MYCBP2: variants seen among roughly 807,000 people sequenced by gnomAD.
The protein encoded by MYCBP2 is MYC binding protein 2, also known as E3 ubiquitin-protein ligase MYCBP2.
In MYCBP2, 120 loss-of-function variants were observed where a neutral mutation model predicts 525.3. The ratio of observed to expected loss-of-function variants is 0.23; its 90% CI spans 0.20 to 0.27. The LOEUF is 0.27. Among genes scored for constraint, MYCBP2 ranks in the 10% least tolerant of loss-of-function variants. MYCBP2 has a pLI of 1.00. For synonymous variants in MYCBP2, 1,894 were observed against 1,955.8 expected, an observed-to-expected ratio of 0.97 and a Z score of 0.83; for missense variants, 4,149 against 5,657.1, an observed-to-expected ratio of 0.73 and a Z score of 8.55.
chr13:77,239,964 A>C (rs190897797), intron 17 of MYCBP2, among the ~76,000 whole-genome samples: 4 of 152,348 alleles, frequency 2.6e-5, no homozygotes, highest in Non-Finnish European at 5.9e-5. Flanking sequence ...AATATTTAGG[A>C]AACAAATTGT....
chr13:77,271,733 T>C (rs556714045), intron 5 of MYCBP2, among the ~76,000 whole-genome samples: 269 of 152,302 alleles, frequency 1.8e-3, no homozygotes, highest in Middle Eastern at 3.4e-3. Flanking sequence ...GATTGTGAGG[T>C]TTCTCCAGCC....
At position 77,098,511 on chromosome 13, in the gene MYCBP2, G is replaced by A. The variant is rs754283675; in HGVS notation, c.8643C>T (p.Leu2881=). 1.2e-6 allele frequency: 2 copies of A among 1,613,740 alleles called. 1 individual carries two copies. Among genetic ancestry groups the A allele is most frequent in the Admixed American group, 3.3e-5 (2 of 59,942 alleles). Residue 2881 remains leucine (L), a synonymous_variant, in exon 56 of 83, where the codon CTC becomes CTT. Transcript: ENST00000544440. ...CTGTGAGGGGCATTTTCTTCTTGCGGAGGGTATCTGGATCAAGTGTGTAAG... is the reference window on the plus strand; with the variant it reads ...CTGTGAGGGGCATTTTCTTCTTGCGAAGGGTATCTGGATCAAGTGTGTAAG... ...SDSYTLDPDT[L]RKKKMPLTEP...
intron 3 of MYCBP2, among the ~76,000 whole-genome samples, chr13:77,282,545 C>A (rs1317455818): frequency 1.3e-5 from 2 of 152,166 alleles, no homozygotes; most frequent in African/African-American, 4.8e-5. Context: ...CAAAACTTTT[C>A]AACTTTTCAA....
chr13:77,109,148 T>A (rs1328880107), intron 55 of MYCBP2, among the ~76,000 whole-genome samples: 1 of 152,182 alleles, frequency 6.6e-6, no homozygotes, highest in Non-Finnish European at 1.5e-5. Flanking sequence ...GAGGACGGTT[T>A]CCTTAGTTCT....
At chr13:77,306,082 A>C (rs1221677358) in intron 1 of MYCBP2, among the ~76,000 whole-genome samples, 1 of 152,208 alleles carries the variant, frequency 6.6e-6, no homozygotes, top group Non-Finnish European at 1.5e-5. Flanking sequence ...AAAAATTAAA[A>C]GTAAAGCATT....
chr13:77,088,682 T>C (rs556821629), intron 61 of MYCBP2, 150 bp downstream of exon 61: 14 of 578,642 alleles, frequency 2.4e-5, no homozygotes, highest in Admixed American at 3.4e-5. Context: ...CTTTAGAGTC[T>C]GATTTTTATA....
At chr13:77,080,219 C>T (rs1399844020) in intron 65 of MYCBP2, among the ~76,000 whole-genome samples, 1 of 152,174 alleles carries the variant, frequency 6.6e-6, no homozygotes, top group African/African-American at 2.4e-5. Flanking sequence ...AGGAATAGAA[C>T]CTGCACTGAT....
At chr13:77,175,145 T>C (rs1464347943) in intron 36 of MYCBP2, among the ~76,000 whole-genome samples, 1 of 150,176 alleles carries the variant, frequency 6.7e-6, no homozygotes, top group Non-Finnish European at 1.5e-5. Context: ...TTGCCCAGCC[T>C]AGCCTCAAAC....
chr13:77,058,199 C>T lies in MYCBP2; in HGVS notation c.13329+19G>A. 6.2e-7 allele frequency: 1 copy of T among 1,610,642 alleles called. No homozygotes were observed. Among genetic ancestry groups the T allele is most frequent in the Non-Finnish European group, 8.5e-7 (1 of 1,178,142 alleles). ...TCTTAATGTCTGGATACATTCAATA[C>T]TTTAAAAGCTGAGGCAACCTGAATG... On this transcript the variant is annotated intron_variant, in intron 78 of 82. Transcript: ENST00000544440. The surrounding 1 kb of genome is among the most constrained non-coding windows in gnomAD (Gnocchi z 4.1).
intron 26 of MYCBP2, among the ~76,000 whole-genome samples, chr13:77,203,054 G>T (rs1012914620): frequency 2.0e-5 from 3 of 151,344 alleles, no homozygotes; most frequent in African/African-American, 7.3e-5. Context: ...GGGCAATTAG[G>T]CAGGAGAAGG....
intron 52 of MYCBP2, among the ~76,000 whole-genome samples, chr13:77,134,899 C>A (rs555403044): frequency 6.6e-6 from 1 of 152,140 alleles, no homozygotes; most frequent in Non-Finnish European, 1.5e-5. Flanking sequence ...GATGAATACA[C>A]GAATTCTAAA....
intron 55 of MYCBP2, among the ~76,000 whole-genome samples, chr13:77,112,704 G>T (rs960466121): frequency 2.6e-5 from 4 of 152,130 alleles, no homozygotes; most frequent in African/African-American, 9.7e-5. Flanking sequence ...CTTGCCAAAT[G>T]CTGGGAATAT....
At chr13:77,167,237 A>G (rs183749182) in intron 40 of MYCBP2, among the ~76,000 whole-genome samples, 33 of 152,244 alleles carry the variant, frequency 2.2e-4, no homozygotes, top group Admixed American at 7.2e-4. Flanking sequence ...GTATATACAT[A>G]TATAAATATA....
At chr13:77,243,563 A>G (rs1400961014) in intron 16 of MYCBP2, among the ~76,000 whole-genome samples, 1 of 151,604 alleles carries the variant, frequency 6.6e-6, no homozygotes, top group Non-Finnish European at 1.5e-5. Flanking sequence ...CAGTGAGCTG[A>G]GATTGAGCTA....
chr13:77,278,993 C>T, intron 3 of MYCBP2, 82 bp from the exon 4 acceptor site: 1 of 923,516 alleles, frequency 1.1e-6, no homozygotes, highest in Non-Finnish European at 1.5e-6. Context: ...GTACAAGTTA[C>T]TTCCACAGCA....
intron 1 of MYCBP2, among the ~76,000 whole-genome samples, chr13:77,308,587 T>C (rs186822313): frequency 1.3e-5 from 2 of 152,350 alleles, no homozygotes; most frequent in East Asian, 3.9e-4. Flanking sequence ...AACACATTTT[T>C]ATTATTATTC....
intron 59 of MYCBP2, 91 bp downstream of exon 59, chr13:77,093,074 A>T: frequency 7.8e-7 from 1 of 1,277,250 alleles, no homozygotes; most frequent in Non-Finnish European, 1.1e-6. Context: ...TCACAGATGT[A>T]TTAAAGAACT....
intron 1 of MYCBP2, among the ~76,000 whole-genome samples, chr13:77,301,794 G>C (rs1249939819): frequency 6.6e-6 from 1 of 152,126 alleles, no homozygotes; most frequent in African/African-American, 2.4e-5. Context: ...AAGTACCTGA[G>C]ATGCAGAGAT....
chr13:77,311,404 A>G (rs2154375978), intron 1 of MYCBP2, among the ~76,000 whole-genome samples: 1 of 152,336 alleles, frequency 6.6e-6, no homozygotes, highest in East Asian at 1.9e-4. Context: ...CTTCAAGGGA[A>G]GAGACAATCA....
Sources: gnomAD v4.1 joint callset for allele counts (sites outside exome capture counted in the v4.1 genomes callset) on GRCh38, gnomAD v4.1.1 for gene constraint, Gnocchi (gnomAD v3.1) non-coding constraint, MANE v1.5 for transcripts, NCBI Gene and HGNC (gene_info 2026-07-23, HGNC 2026-07-21) for gene names.